ZPBP: variants seen among roughly 807,000 people sequenced by gnomAD.
ZPBP encodes the protein zona pellucida-binding protein 1.
ZPBP carries 26 observed loss-of-function variants against 44.8 expected under a neutral mutation model. The ratio of observed to expected loss-of-function variants is 0.58; its 90% CI spans 0.43 to 0.81. ZPBP has a LOEUF of 0.81. Ranked by LOEUF, ZPBP falls within the 30% of genes least tolerant of loss-of-function variation. The pLI is 0.00. For missense variants in ZPBP, 409 were observed against 434.0 expected, an observed-to-expected ratio of 0.94 and a Z score of 0.51; for synonymous variants, 174 against 153.2, an observed-to-expected ratio of 1.14 and a Z score of -1.00.
intron 4 of ZPBP, among the ~76,000 whole-genome samples, chr7:50,054,469 AACTC>A (rs1324740445): frequency 6.6e-6 from 1 of 152,168 alleles, no homozygotes; most frequent in African/African-American, 2.4e-5. Context: ...AAGATGTTCT[AACTC>A]ACTAATAATT....
the ZPBP span, among the ~76,000 whole-genome samples, chr7:49,844,849 C>G: frequency 2.0e-4 from 31 of 152,222 alleles, no homozygotes; most frequent in East Asian, 1.4e-3. Flanking sequence ...CCCGCCACTA[C>G]GTCCAACTAA....
intron 7 of ZPBP, among the ~76,000 whole-genome samples, chr7:49,962,372 A>G (rs1244237980): frequency 6.6e-6 from 1 of 151,938 alleles, no homozygotes; most frequent in Non-Finnish European, 1.5e-5. Flanking sequence ...CATCATAAAA[A>G]CATAATAAAA....
intron 2 of ZPBP, among the ~76,000 whole-genome samples, chr7:49,892,194 AC>A (rs1164375639): frequency 1.3e-5 from 2 of 150,834 alleles, no homozygotes; most frequent in Non-Finnish European, 3.0e-5. Flanking sequence ...ACAGGCGCCC[AC>A]CATCACGCCC....
At chr7:50,019,962 C>T (rs1438811743) in intron 5 of ZPBP, among the ~76,000 whole-genome samples, 1 of 151,428 alleles carries the variant, frequency 6.6e-6, no homozygotes, top group South Asian at 2.1e-4. Flanking sequence ...TAAATTTTAT[C>T]GCTTGAACCT....
chr7:49,848,932 A>G (rs138951621), downstream of ZPBP, among the ~76,000 whole-genome samples: 30 of 152,360 alleles, frequency 2.0e-4, no homozygotes, highest in African/African-American at 7.2e-4. Context: ...TAGTCTCTGT[A>G]TCTCTTATAT....
intron 7 of ZPBP, among the ~76,000 whole-genome samples, chr7:49,968,615 T>C (rs191066749): frequency 6.6e-5 from 10 of 152,188 alleles, no homozygotes; most frequent in Admixed American, 3.3e-4. Context: ...AAAAATTGTG[T>C]AGCAATATCT....
At chr7:49,963,559 G>A (rs1583925544) in intron 7 of ZPBP, among the ~76,000 whole-genome samples, 1 of 151,840 alleles carries the variant, frequency 6.6e-6, no homozygotes, top group African/African-American at 2.4e-5. Flanking sequence ...GTGGCATAAG[G>A]GAACCATTTA....
At chr7:49,871,187 C>T (rs691194) in intron 2 of ZPBP, among the ~76,000 whole-genome samples, 115,840 of 152,090 alleles carry the variant, frequency 0.76, 44,325 homozygotes, top group East Asian at 0.88. Flanking sequence ...AAAATAAAAA[C>T]GAATAATAAT....
chr7:49,921,786 A>G (rs1158452823), intron 1 of ZPBP: 2 of 152,194 alleles, frequency 1.3e-5, no homozygotes, highest in East Asian at 1.9e-4. Flanking sequence ...TATAATTTAT[A>G]TCTTAGTTTT....
rs189006848 is a variant in ZPBP, at chr7:49,851,136, G to A, written n.510-622C>T. On this transcript the variant is annotated intron_variant and non_coding_transcript_variant, in intron 2 of 2. Coordinates refer to the ZPBP transcript ENST00000465922. ...TCCTAGTGGCTGCCCGCCACCCTGG[G>A]CTTCCTGGGTTTTAGAGGCTTCACT... 4.9e-4 allele frequency among the ~76,000 whole-genome samples: 75 copies of A among 152,240 alleles called. 1 individual carries two copies. The highest frequency in any genetic ancestry group is 1.6e-3 in the African/African-American group (67 of 41,538).
intron 6 of ZPBP, among the ~76,000 whole-genome samples, chr7:50,006,195 C>T (rs984975221): frequency 6.6e-6 from 1 of 151,784 alleles, no homozygotes; most frequent in African/African-American, 2.4e-5. Flanking sequence ...AAAAATACCC[C>T]ACTTTTAGTA....
chr7:49,936,594 C>A (rs1794627406), downstream of ZPBP, among the ~76,000 whole-genome samples: 1 of 152,064 alleles, frequency 6.6e-6, no homozygotes, highest in Non-Finnish European at 1.5e-5. Flanking sequence ...ACAGTGCATG[C>A]TGGAGAGAGA....
intron 6 of ZPBP, 151 bp downstream of exon 6, chr7:50,018,089 T>C: frequency 1.6e-6 from 1 of 623,032 alleles, no homozygotes; most frequent in Non-Finnish European, 2.8e-6. Flanking sequence ...TAATGTCTTA[T>C]CTTTTATTAG....
At chr7:49,944,128 C>T in intron 7 of ZPBP, 1 of 251,838 alleles carries the variant, frequency 4.0e-6, no homozygotes. Flanking sequence ...TGTATGAATC[C>T]TTCATAACTG....
chr7:50,004,304 G>GT (rs1427654645), intron 6 of ZPBP, among the ~76,000 whole-genome samples: 7 of 152,034 alleles, frequency 4.6e-5, no homozygotes, highest in Admixed American at 6.6e-5. Context: ...CAAACTCCAG[G>GT]TTTTTTAGCC....
intron 7 of ZPBP, chr7:49,943,564 C>G: frequency 2.6e-6 from 1 of 379,760 alleles, no homozygotes; most frequent in Non-Finnish European, 5.1e-6. Context: ...TGCTCCTTTG[C>G]GAAAGGGGTC....
chr7:49,991,417 G>C (rs1006047711), intron 6 of ZPBP, among the ~76,000 whole-genome samples: 1 of 152,138 alleles, frequency 6.6e-6, no homozygotes, highest in Non-Finnish European at 1.5e-5. Context: ...GCAAAGGAAT[G>C]AGGAAGAAAG....
downstream of ZPBP, among the ~76,000 whole-genome samples, chr7:49,935,490 C>T (rs1012582648): frequency 6.6e-6 from 1 of 152,108 alleles, no homozygotes; most frequent in Non-Finnish European, 1.5e-5. Flanking sequence ...ACTCCGCTTT[C>T]TGGTTTCAAG....
At chr7:49,919,436 T>C (rs1432997408) in intron 1 of ZPBP, 5 of 152,158 alleles carry the variant, frequency 3.3e-5, no homozygotes, top group African/African-American at 9.7e-5. Flanking sequence ...TTCTGATACA[T>C]AGTAGCTAGC....
Sources: allele counts gnomAD v4.1 joint callset (sites outside exome capture counted in the v4.1 genomes callset), GRCh38; gene constraint gnomAD v4.1.1; transcripts MANE v1.5; gene names NCBI Gene and HGNC (gene_info 2026-07-23, HGNC 2026-07-21).